Variants in ARHGAP35 observed in about 807,000 individuals in gnomAD.
ARHGAP35 encodes the protein rho GTPase-activating protein 35.
Under a neutral mutation model 111.1 loss-of-function variants are expected in ARHGAP35, and 15 were observed. That is an observed-to-expected ratio of 0.13 (90% CI 0.09 to 0.21). ARHGAP35 has a LOEUF of 0.21. Ranked by LOEUF, ARHGAP35 falls within the 10% of genes least tolerant of loss-of-function variation. The pLI is 1.00. For missense variants in ARHGAP35, 1,262 were observed against 1,873.0 expected (o/e 0.67, Z 6.02); for synonymous variants, 643 against 710.3 (o/e 0.91, Z 1.51).
At chr19:46,862,311 T>A (rs919796265) in intron 1 of ARHGAP35, among the ~76,000 whole-genome samples, 1 of 152,162 alleles carries the variant, frequency 6.6e-6, no homozygotes, top group Non-Finnish European at 1.5e-5. Context: ...CTTGGAGGTT[T>A]CCTCTCTTCC....
At chr19:46,895,113 G>T (rs1203691860) in intron 1 of ARHGAP35, among the ~76,000 whole-genome samples, 1 of 151,322 alleles carries the variant, frequency 6.6e-6, no homozygotes, top group Non-Finnish European at 1.5e-5. Context: ...AAATAGAAAT[G>T]AATTTTTGCA....
chr19:47,000,565 C>T lies in ARHGAP35; in HGVS notation c.4377C>T (p.Val1459=). 3 of 1,613,510 alleles carry T rather than the reference C, an allele frequency of 1.9e-6. No individual in the cohort carries two copies. Among genetic ancestry groups the T allele is most frequent in the Non-Finnish European group, 2.5e-6 (3 of 1,179,864 alleles). Residue 1459 remains valine (V), a synonymous_variant, in exon 7 of 7, where the codon GTC becomes GTT. Transcript: ENST00000672722. The surrounding 1 kb of genome is among the most constrained non-coding windows in gnomAD (Gnocchi z 6.9). ...PSSPSAVAST[V]PFLTSTPVTS... ...CCCCCTCTGCCGTGGCTTCCACCGT[C>T]CCCTTCCTCACTTCCACGCCTGTCA...
At chr19:46,975,900 G>A (rs2056577125) in intron 3 of ARHGAP35, among the ~76,000 whole-genome samples, 1 of 152,162 alleles carries the variant, frequency 6.6e-6, no homozygotes, top group Non-Finnish European at 1.5e-5. Context: ...CCTGCAGTCA[G>A]CCTAGATCTA....
intron 2 of ARHGAP35, among the ~76,000 whole-genome samples, chr19:46,935,099 A>G (rs1286165089): frequency 6.6e-6 from 1 of 152,214 alleles, no homozygotes; most frequent in Non-Finnish European, 1.5e-5. Flanking sequence ...TCTTTGGTAA[A>G]AAAAGTCTGA....
chr19:46,909,782 T>G (rs2056129060), intron 1 of ARHGAP35, among the ~76,000 whole-genome samples: 1 of 152,134 alleles, frequency 6.6e-6, no homozygotes, highest in African/African-American at 2.4e-5. Context: ...TATTTTTATG[T>G]TTTTTAGAGG....
chr19:46,939,938 A>T lies in ARHGAP35; in HGVS notation c.3826+2530A>T, dbSNP rs1465975692. On this transcript the variant is annotated intron_variant, in intron 3 of 6. Coordinates refer to ENST00000672722, the MANE Select transcript of ARHGAP35 (RefSeq NM_004491.5). ...GACCTTATCCTGGACCACACGTTAC[A>T]TTTAGTGGTCAAATCTGGCCCAGCA... 3.3e-5 allele frequency among the ~76,000 whole-genome samples: 5 copies of T among 151,104 alleles called. No homozygotes were observed. The East Asian group carries it at 1.0e-3, about 30-fold the overall frequency.
At chr19:46,935,065 A>T (rs1228657076) in intron 2 of ARHGAP35, among the ~76,000 whole-genome samples, 4 of 152,256 alleles carry the variant, frequency 2.6e-5, no homozygotes, top group Admixed American at 2.6e-4. Flanking sequence ...TATATCATAC[A>T]TCGTTAATTG....
chr19:46,977,332 A>G (rs1279807680), intron 3 of ARHGAP35, among the ~76,000 whole-genome samples: 1 of 152,206 alleles, frequency 6.6e-6, no homozygotes, highest in Non-Finnish European at 1.5e-5. Flanking sequence ...CTTCTTGGTG[A>G]ATGTAGAACC....
intron 3 of ARHGAP35, among the ~76,000 whole-genome samples, chr19:46,963,712 G>A (rs1232061726): frequency 6.6e-6 from 1 of 152,104 alleles, no homozygotes; most frequent in Non-Finnish European, 1.5e-5. Flanking sequence ...AAGAGGACAC[G>A]ACAGTGCTGT....
At chr19:46,906,367 A>G (rs186613339) in intron 1 of ARHGAP35, among the ~76,000 whole-genome samples, 1 of 152,138 alleles carries the variant, frequency 6.6e-6, no homozygotes. Flanking sequence ...GAAAGGTCTG[A>G]CATGCCACCT....
intron 3 of ARHGAP35, among the ~76,000 whole-genome samples, chr19:46,942,103 C>T (rs1461253726): frequency 1.3e-5 from 2 of 152,064 alleles, no homozygotes; most frequent in African/African-American, 2.4e-5. Context: ...CCTAAGAAAA[C>T]TTTTTCTCCC....
chr19:46,987,931 C>A, intron 3 of ARHGAP35, 58 bp from the exon 4 acceptor site: 1 of 1,553,220 alleles, frequency 6.4e-7, no homozygotes, highest in South Asian at 1.1e-5. Flanking sequence ...CGAGCCCAGC[C>A]CTCCTCATTC....
intron 3 of ARHGAP35, among the ~76,000 whole-genome samples, chr19:46,972,660 A>G (rs551792213): frequency 6.6e-6 from 1 of 152,248 alleles, no homozygotes; most frequent in Non-Finnish European, 1.5e-5. Context: ...GTACTTGCAC[A>G]TATTAAAAGA....
chr19:46,915,728 G>A (rs1793466046), intron 1 of ARHGAP35, among the ~76,000 whole-genome samples: 1 of 152,294 alleles, frequency 6.6e-6, no homozygotes, highest in Non-Finnish European at 1.5e-5. Flanking sequence ...TTTGGCTGCA[G>A]GTTCAGTGCT....
rs770143960 is a variant in ARHGAP35 at position 46,919,713 on chromosome 19, A to C, written c.1038A>C (p.Leu346Phe). 1 of 1,614,016 alleles carries C rather than the reference A, an allele frequency of 6.2e-7. No homozygotes were observed. Among genetic ancestry groups the C allele is most frequent in the Non-Finnish European group, 8.5e-7 (1 of 1,179,898 alleles). The stretch of plus-strand genomic sequence containing the variant: ...AGCTGTACCTGGCAGCCCTGCCATT[A>C]GCTTTTGAAGCTCTTATACCTAATC... The part of the protein sequence containing the change: ...RRKLYLAALP[L>F]AFEALIPNLD... The change falls in exon 2 of 7, where the codon TTA becomes TTC. Residue 346 changes from leucine (L) to phenylalanine (F), a missense_variant. Around this residue, in one of 8 missense-constraint regions of ARHGAP35, gnomAD observed 328 missense variants for 440.8 expected, o/e 0.74. Coordinates refer to ENST00000672722, the MANE Select transcript of ARHGAP35 (RefSeq NM_004491.5). This position sits in a 1 kb window ranked among gnomAD's most constrained non-coding sequence, Gnocchi z 6.2.
At chr19:46,896,728 T>C (rs2056058728) in intron 1 of ARHGAP35, among the ~76,000 whole-genome samples, 1 of 152,218 alleles carries the variant, frequency 6.6e-6, no homozygotes, top group African/African-American at 2.4e-5. Context: ...GCAAGCCTGT[T>C]TTCTCATCTG....
chr19:46,881,060 T>G (rs2055960135), intron 1 of ARHGAP35, among the ~76,000 whole-genome samples: 2 of 150,792 alleles, frequency 1.3e-5, no homozygotes, highest in African/African-American at 4.9e-5. Context: ...TTCTCCGGCC[T>G]CAGCCTCCCG....
At chr19:46,933,137 CTTTTTTTT>C (rs1174653724) in intron 2 of ARHGAP35, among the ~76,000 whole-genome samples, 2 of 99,544 alleles carry the variant, frequency 2.0e-5, no homozygotes, top group South Asian at 7.0e-4. Flanking sequence ...AGTGTGCCTT[CTTTTTTTT>C]TTTTTTTTTT....
chr19:46,965,466 T>TTTGTTTGTTTG (rs1568481883), intron 3 of ARHGAP35, among the ~76,000 whole-genome samples: 1 of 150,154 alleles, frequency 6.7e-6, no homozygotes, highest in Non-Finnish European at 1.5e-5. Context: ...TTCTTGGGTT[T>TTTGTTTGTTTG]TTTGTTTGTT....
Sources: gnomAD v4.1 joint callset for allele counts (sites outside exome capture counted in the v4.1 genomes callset) on GRCh38, gnomAD v4.1.1 for gene constraint, gnomAD v4.1.1 regional missense constraint, Gnocchi (gnomAD v3.1) non-coding constraint, MANE v1.5 for transcripts, NCBI Gene and HGNC (gene_info 2026-07-23, HGNC 2026-07-21) for gene names.